The following GTF2H1 variants were observed in gnomAD, a reference collection of about 807,000 sequenced individuals.
GTF2H1 encodes BTF2 p62.
Under a neutral mutation model 71.2 loss-of-function variants are expected in GTF2H1, and 16 were observed. The observed-to-expected ratio is 0.22, with a 90% CI of 0.15 to 0.34. The LOEUF (loss-of-function observed/expected upper bound fraction) is 0.34. GTF2H1 is among the 10% of genes least tolerant of loss of function. The pLI is 1.00. For missense variants in GTF2H1, 498 were observed against 648.2 expected (o/e 0.77, Z 2.52); for synonymous variants, 215 against 219.0 (o/e 0.98, Z 0.16).
intron 11 of GTF2H1, among the ~76,000 whole-genome samples, chr11:18,355,810 C>G (rs1485455505): frequency 1.3e-5 from 2 of 152,176 alleles, no homozygotes; most frequent in African/African-American, 4.8e-5. Context: ...TGCTATTCTA[C>G]AAGTTTTGAT....
intron 13 of GTF2H1, 94 bp from the exon 14 acceptor site, chr11:18,360,521 A>C: frequency 1.6e-6 from 1 of 613,020 alleles, no homozygotes; most frequent in Non-Finnish European, 2.9e-6. Context: ...AAAATTCTAC[A>C]AGAAAAGTAA....
intron 1 of GTF2H1, among the ~76,000 whole-genome samples, chr11:18,323,260 A>C (rs918894262): frequency 6.6e-6 from 1 of 152,126 alleles, no homozygotes; most frequent in Non-Finnish European, 1.5e-5. Context: ...TAAATCCCCC[A>C]GTGTTCTCAA....
At position 18,366,756 on chromosome 11, in the gene GTF2H1, G is replaced by C. The variant is rs1056515273; in HGVS notation, c.*887G>C. The C allele has an allele frequency of 6.6e-6, 1 of 152,334 alleles. No homozygotes were observed. Among genetic ancestry groups the C allele is most frequent in the African/African-American group, 2.4e-5 (1 of 41,390 alleles). 9.4% of individuals were successfully genotyped at this position (152,334 alleles called of 1,614,324 possible). ...AAGAGTTTAAAAATCTTATGAGTGA[G>C]AAATATTAAAAAAATCTTATTTTCA... On this transcript the variant is annotated 3_prime_UTR_variant, in exon 15 of 15. Coordinates refer to ENST00000265963, the MANE Select transcript of GTF2H1 (RefSeq NM_005316.4).
chr11:18,330,407 C>G (rs1277881867), intron 1 of GTF2H1, among the ~76,000 whole-genome samples: 1 of 152,158 alleles, frequency 6.6e-6, no homozygotes, highest in Non-Finnish European at 1.5e-5. Flanking sequence ...GATTAGCAAG[C>G]GGAGAGCTGA....
intron 9 of GTF2H1, among the ~76,000 whole-genome samples, chr11:18,350,566 T>TTGAGGTCAGATTTGTGACTTCATG (rs1281531277): frequency 6.6e-6 from 1 of 151,336 alleles, no homozygotes; most frequent in Non-Finnish European, 1.5e-5. Flanking sequence ...AGTTTTCAGA[T>TTGAGGTCAGATTTGTGACTTCATG]TGAGGTCAGA....
chr11:18,344,136 C>G (rs998038639), intron 7 of GTF2H1, among the ~76,000 whole-genome samples: 2 of 152,082 alleles, frequency 1.3e-5, no homozygotes, highest in Admixed American at 1.3e-4. Context: ...TGTTTTCCTC[C>G]TGTTATGTCC....
Position 18,357,969 on chromosome 11 carries a change from T to C in GTF2H1, c.1278T>C (p.Ala426=), listed in dbSNP as rs1865600555. Residue 426 remains alanine (A), a synonymous_variant, in exon 12 of 15, where the codon GCT becomes GCC. Transcript: ENST00000265963. ...PKLTQVLSSS[A]ASSTITALSP... is the part of the protein sequence containing the mutation. ...TTTTTCAGGTTCTCTCAAGTAGTGC[T>C]GCCAGTAGTACCATCACAGCACTGT... 5.0e-6 allele frequency: 8 copies of C among 1,610,040 alleles called. No individual in the cohort carries two copies. Among genetic ancestry groups the C allele is most frequent in the African/African-American group, 1.3e-5 (1 of 74,892 alleles).
intron 11 of GTF2H1, among the ~76,000 whole-genome samples, chr11:18,355,118 A>T (rs910063120): frequency 5.5e-5 from 8 of 146,056 alleles, no homozygotes; most frequent in Admixed American, 6.9e-5. Context: ...TTTTTTTAAA[A>T]TTTTTTTAAT....
At chr11:18,353,611 T>A (rs1480051899) in intron 11 of GTF2H1, among the ~76,000 whole-genome samples, 1 of 152,270 alleles carries the variant, frequency 6.6e-6, no homozygotes, top group Non-Finnish European at 1.5e-5. Context: ...AAAGTAATCC[T>A]TAACTAGTGC....
intron 11 of GTF2H1, among the ~76,000 whole-genome samples, chr11:18,356,447 G>A (rs1865548306): frequency 1.3e-5 from 2 of 151,202 alleles, no homozygotes; most frequent in Admixed American, 1.3e-4. Flanking sequence ...TCAGCAGAAA[G>A]CTAGAAAATA....
rs1309257943 is a variant in GTF2H1 at position 18,358,677 on chromosome 11, G to A, written c.1467+37G>A. 4 of 1,250,642 alleles carry A rather than the reference G, an allele frequency of 3.2e-6. No homozygotes were observed. In the Admixed American group the frequency reaches 5.2e-5, roughly 16 times the overall value. 77.5% of individuals were successfully genotyped at this position (1,250,642 alleles called of 1,614,324 possible). A position where few individuals can be genotyped will look rare whatever the true frequency, so the allele number is the denominator to read the frequency against. ...TTCTGAAGACAGCCAGATAATTGTGGTAGTGACTTACAAGAAGTTTTGAAA... is the reference window on the plus strand; with the variant it reads ...TTCTGAAGACAGCCAGATAATTGTGATAGTGACTTACAAGAAGTTTTGAAA... On this transcript the variant is annotated intron_variant, in intron 13 of 14. Coordinates refer to ENST00000265963, the MANE Select transcript of GTF2H1 (RefSeq NM_005316.4).
At chr11:18,345,952 G>A (rs751496946) in intron 7 of GTF2H1, among the ~76,000 whole-genome samples, 6 of 151,754 alleles carry the variant, frequency 4.0e-5, no homozygotes, top group Admixed American at 6.6e-5. Context: ...CACCTCGCCC[G>A]GCTAATTTTT....
At chr11:18,363,672 C>G (rs9783296) in intron 14 of GTF2H1, among the ~76,000 whole-genome samples, 20,951 of 152,086 alleles carry the variant, frequency 0.14, 1,553 homozygotes, top group African/African-American at 0.18. Flanking sequence ...TACTTATAAT[C>G]AGATAGAAGC....
intron 3 of GTF2H1, among the ~76,000 whole-genome samples, chr11:18,336,953 G>A (rs1292089214): frequency 6.6e-6 from 1 of 152,002 alleles, no homozygotes; most frequent in Non-Finnish European, 1.5e-5. Context: ...GTTTCACCAC[G>A]TTGGCCAGGC....
intron 7 of GTF2H1, among the ~76,000 whole-genome samples, chr11:18,345,722 C>T (rs1865276218): frequency 6.6e-6 from 1 of 152,032 alleles, no homozygotes; most frequent in African/African-American, 2.4e-5. Context: ...TTCCCAACCT[C>T]AGGTGACCCA....
intron 1 of GTF2H1, among the ~76,000 whole-genome samples, chr11:18,323,021 C>G (rs954899045): frequency 6.6e-6 from 1 of 152,180 alleles, no homozygotes; most frequent in South Asian, 2.1e-4. Flanking sequence ...GGAGGCCTCT[C>G]CCAGACAGAG....
intron 13 of GTF2H1, among the ~76,000 whole-genome samples, chr11:18,360,323 A>G (rs1865667058): frequency 6.6e-6 from 1 of 152,000 alleles, no homozygotes. Flanking sequence ...GGGTTTCACC[A>G]TGTTAGCCAG....
intron 11 of GTF2H1, among the ~76,000 whole-genome samples, chr11:18,355,503 ACT>A (rs1865524631): frequency 6.6e-6 from 1 of 150,952 alleles, no homozygotes; most frequent in South Asian, 2.1e-4. Flanking sequence ...AAATAAATTT[ACT>A]TATTTATTTA....
chr11:18,362,637 C>A (rs1388881249), intron 14 of GTF2H1, among the ~76,000 whole-genome samples: 2 of 149,930 alleles, frequency 1.3e-5, no homozygotes, highest in Non-Finnish European at 3.0e-5. Context: ...CTCTCCCTCT[C>A]TCCGTATAGA....
Sources: allele counts gnomAD v4.1 joint callset (sites outside exome capture counted in the v4.1 genomes callset), GRCh38; gene constraint gnomAD v4.1.1; transcripts MANE v1.5; gene names NCBI Gene and HGNC (gene_info 2026-07-23, HGNC 2026-07-21).